Variants in MTHFD1 observed in about 807,000 individuals in gnomAD.
MTHFD1 encodes the protein methylenetetrahydrofolate dehydrogenase, cyclohydrolase and formyltetrahydrofolate synthetase 1.
In MTHFD1, 44 loss-of-function variants were observed where a neutral mutation model predicts 110.3. That is an observed-to-expected ratio of 0.40 (90% CI 0.31 to 0.51). The LOEUF (loss-of-function observed/expected upper bound fraction) is 0.51, where lower values mean the gene tolerates loss of function less well. Ranked by LOEUF, MTHFD1 falls within the 20% of genes least tolerant of loss-of-function variation. The pLI is 0.60. For synonymous variants in MTHFD1, 402 were observed against 428.8 expected (o/e 0.94, Z 0.77); for missense variants, 909 against 1,173.1 (o/e 0.77, Z 3.29).
intron 27 of MTHFD1, chr14:64,458,630 T>C: frequency 5.0e-6 from 2 of 399,048 alleles, no homozygotes; most frequent in Non-Finnish European, 9.5e-6. Context: ...CCCAGGAGGC[T>C]TGGGGTTCAG....
In MTHFD1 at chr14:64,426,083, C is replaced by T; in HGVS notation, c.1018C>T (p.Leu340=). ...TGGTAAGCTGGCTCGAGAAATTGGT[C>T]TGCTGTCTGAAGAGGTAGAATTATA... ...PIGKLAREIG[L]LSEEVELYGE... Residue 340 remains leucine, a synonymous_variant, in exon 11 of 28, where the codon CTG becomes TTG. Coordinates refer to ENST00000652337, the MANE Select transcript of MTHFD1 (RefSeq NM_005956.4). 1.2e-6 allele frequency: 2 copies of T among 1,613,938 alleles called. No homozygotes were observed. Among genetic ancestry groups the T allele is most frequent in the Non-Finnish European group, 8.5e-7 (1 of 1,180,032 alleles).
intron 2 of MTHFD1, among the ~76,000 whole-genome samples, chr14:64,410,634 G>T (rs1245473879): frequency 6.6e-6 from 1 of 152,142 alleles, no homozygotes; most frequent in Non-Finnish European, 1.5e-5. Flanking sequence ...CTGTGTGGCG[G>T]GGCCAGGGAG....
At chr14:64,453,893 C>G in intron 25 of MTHFD1, 32 bp downstream of exon 25, 2 of 1,356,628 alleles carry the variant, frequency 1.5e-6, no homozygotes, top group East Asian at 2.3e-5. Flanking sequence ...CCTTTCAACT[C>G]TTTGCAAAGC....
intron 1 of MTHFD1, among the ~76,000 whole-genome samples, chr14:64,394,705 T>A (rs2077833579): frequency 6.6e-6 from 1 of 152,166 alleles, no homozygotes. Context: ...GACTTAACAT[T>A]ATAAGTGATC....
intron 11 of MTHFD1, among the ~76,000 whole-genome samples, chr14:64,427,015 A>C (rs1202242316): frequency 6.6e-6 from 1 of 152,106 alleles, no homozygotes; most frequent in Non-Finnish European, 1.5e-5. Context: ...TGAAAAAGAT[A>C]TCTTTCAGGG....
chr14:64,399,713 G>A (rs1236623038), intron 1 of MTHFD1, among the ~76,000 whole-genome samples: 1 of 151,430 alleles, frequency 6.6e-6, no homozygotes, highest in Non-Finnish European at 1.5e-5. Flanking sequence ...TTGAGGCCTG[G>A]AAAATTGTTG....
chr14:64,446,852 G>T (rs995827009), intron 22 of MTHFD1, among the ~76,000 whole-genome samples: 10 of 151,530 alleles, frequency 6.6e-5, no homozygotes, highest in African/African-American at 1.9e-4. Flanking sequence ...GGTTTTTGGG[G>T]TTTTTTTTAC....
intron 4 of MTHFD1, among the ~76,000 whole-genome samples, chr14:64,413,175 A>C (rs763967308): frequency 1.1e-4 from 16 of 151,502 alleles, no homozygotes; most frequent in Admixed American, 3.3e-4. Flanking sequence ...AACATGGAGA[A>C]ACCCTGTCTC....
intron 2 of MTHFD1, among the ~76,000 whole-genome samples, chr14:64,410,510 G>A (rs1278625539): frequency 6.6e-6 from 1 of 152,148 alleles, no homozygotes; most frequent in African/African-American, 2.4e-5. Flanking sequence ...ATAGACCTGA[G>A]TTGCTGCACC....
chr14:64,449,882 G>A (rs1317546382), intron 24 of MTHFD1, among the ~76,000 whole-genome samples: 1 of 152,180 alleles, frequency 6.6e-6, no homozygotes, highest in Non-Finnish European at 1.5e-5. Flanking sequence ...TCTGCCTCCT[G>A]GGTTCAAGTG....
rs550483000 is a variant in MTHFD1, at chr14:64,415,885, A to C, written c.478+146A>C. On this transcript the variant is annotated intron_variant, in intron 6 of 27. Transcript: ENST00000652337. Reference sequence around the variant, plus strand: ...CCTGTCTACTAAGGATGTTACCTAAATTTTCTCTCAATTTTCTCAGCAACT... The same window carrying C: ...CCTGTCTACTAAGGATGTTACCTAACTTTTCTCTCAATTTTCTCAGCAACT... 2.2e-5 allele frequency: 18 copies of C among 808,672 alleles called. No individual in the cohort carries two copies. In the African/African-American group the frequency reaches 2.7e-4, roughly 12 times the overall value. The allele number at this position is 808,672 out of a possible 1,614,324, so 50.1% of individuals were successfully genotyped here.
chr14:64,453,639 T>C, intron 24 of MTHFD1, 115 bp from the exon 25 acceptor site: 1 of 712,120 alleles, frequency 1.4e-6, no homozygotes, highest in Non-Finnish European at 2.6e-6. Flanking sequence ...TATATGTATA[T>C]AAAAACCATC....
chr14:64,449,051 G>A lies in MTHFD1; in HGVS notation c.2280-394G>A, dbSNP rs57464458. ...CCTGACCTCGTGATTCTCCCACCTCGGCCTCCCAAAGTGTTGGGATTACAA... is the reference window on the plus strand; with the variant it reads ...CCTGACCTCGTGATTCTCCCACCTCAGCCTCCCAAAGTGTTGGGATTACAA... On this transcript the variant is annotated intron_variant, in intron 23 of 27. Transcript: ENST00000652337. The A allele has an allele frequency of 7.5e-4, 239 of 317,420 alleles. 6 individuals carry two copies. In the East Asian group the frequency reaches 0.018, roughly 24 times the overall value. The allele number at this position is 317,420 out of a possible 1,614,324, so 19.7% of individuals were successfully genotyped here.
intron 14 of MTHFD1, 70 bp downstream of exon 14, chr14:64,431,709 G>C (rs1347778568): frequency 6.3e-7 from 1 of 1,588,760 alleles, no homozygotes; most frequent in African/African-American, 1.3e-5. Flanking sequence ...AATTAGTGTT[G>C]GTGTCTTGGG....
intron 26 of MTHFD1, among the ~76,000 whole-genome samples, chr14:64,456,258 A>G (rs780742093): frequency 6.6e-6 from 1 of 152,154 alleles, no homozygotes; most frequent in Non-Finnish European, 1.5e-5. Context: ...GAGGCTTTTA[A>G]CTTTAAGTTG....
chr14:64,412,430 A>C (rs1462383925), intron 3 of MTHFD1, 42 bp from the exon 4 acceptor site: 1 of 1,467,280 alleles, frequency 6.8e-7, no homozygotes, highest in Non-Finnish European at 9.6e-7. Flanking sequence ...CAATATCTCA[A>C]GTTGTCTTGC....
intron 21 of MTHFD1, among the ~76,000 whole-genome samples, chr14:64,444,340 C>T (rs2078272972): frequency 6.6e-6 from 1 of 151,786 alleles, no homozygotes; most frequent in South Asian, 2.1e-4. Flanking sequence ...GCAGGCCCGA[C>T]CGCTTCCTCT....
chr14:64,445,312 G>A (rs950991305), intron 22 of MTHFD1, among the ~76,000 whole-genome samples: 2 of 152,042 alleles, frequency 1.3e-5, no homozygotes, highest in Non-Finnish European at 2.9e-5. Context: ...CATATTAACG[G>A]GCCAAGATAT....
chr14:64,450,500 TTACTC>T (rs1468303073), intron 24 of MTHFD1, among the ~76,000 whole-genome samples: 2 of 152,222 alleles, frequency 1.3e-5, no homozygotes, highest in Admixed American at 1.3e-4. Context: ...AGAGCCCTGC[TTACTC>T]TATGATACAA....
Sources: gnomAD v4.1 joint callset for allele counts (sites outside exome capture counted in the v4.1 genomes callset) on GRCh38, gnomAD v4.1.1 for gene constraint, MANE v1.5 for transcripts, NCBI Gene and HGNC (gene_info 2026-07-23, HGNC 2026-07-21) for gene names.